AGBL1: variants seen among roughly 807,000 people sequenced by gnomAD.
AGBL1 encodes the protein AGBL carboxypeptidase 1.
Under a neutral mutation model 118.9 loss-of-function variants are expected in AGBL1, and 130 were observed. The ratio of observed to expected loss-of-function variants is 1.09; its 90% CI spans 0.95 to 1.26. AGBL1 has a LOEUF of 1.26. Ranked by LOEUF, AGBL1 falls within the 50% of genes most tolerant of loss-of-function variation. The pLI is 0.00. For synonymous variants in AGBL1, 555 were observed against 478.9 expected (o/e 1.16, Z -2.08); for missense variants, 1,584 against 1,298.1 (o/e 1.22, Z -3.38).
chr15:86,918,306 T>C (rs2080449339), downstream of AGBL1, among the ~76,000 whole-genome samples: 1 of 152,120 alleles, frequency 6.6e-6, no homozygotes, highest in Admixed American at 6.5e-5. Context: ...AAGTGAGTGG[T>C]TAGTGGAGAG....
chr15:86,971,914 A>G (rs1172110820), intron 23 of AGBL1, among the ~76,000 whole-genome samples: 1 of 151,838 alleles, frequency 6.6e-6, no homozygotes, highest in African/African-American at 2.4e-5. Context: ...ATGGTTTTAT[A>G]AGGGGCTCTT....
At chr15:86,424,284 G>T (rs989888262) in intron 18 of AGBL1, among the ~76,000 whole-genome samples, 1 of 152,124 alleles carries the variant, frequency 6.6e-6, no homozygotes, top group Non-Finnish European at 1.5e-5. Flanking sequence ...ACAAGCAATG[G>T]GGAAAGGATT....
chr15:86,611,220 A>C (rs1040700464), intron 21 of AGBL1, among the ~76,000 whole-genome samples: 2 of 152,216 alleles, frequency 1.3e-5, no homozygotes, highest in Non-Finnish European at 2.9e-5. Flanking sequence ...AAGAAAGAGC[A>C]ACAAAATAAA....
chr15:86,583,011 T>C (rs1345022600), intron 21 of AGBL1, among the ~76,000 whole-genome samples: 1 of 151,704 alleles, frequency 6.6e-6, no homozygotes, highest in African/African-American at 2.4e-5. Context: ...TAAAGTATAA[T>C]AACAATAAAA....
chr15:86,653,784 G>A (rs998690991), intron 21 of AGBL1, among the ~76,000 whole-genome samples: 1 of 152,112 alleles, frequency 6.6e-6, no homozygotes, highest in Admixed American at 6.6e-5. Flanking sequence ...CTCAATAGCT[G>A]CAGAGAAATA....
intron 22 of AGBL1, among the ~76,000 whole-genome samples, chr15:86,785,804 T>G (rs1385290298): frequency 6.6e-6 from 1 of 152,172 alleles, no homozygotes; most frequent in East Asian, 1.9e-4. Flanking sequence ...CCAAGAGAAC[T>G]GAGTTATAGG....
At chr15:86,205,919 G>C (rs2077983945) in intron 5 of AGBL1, among the ~76,000 whole-genome samples, 1 of 152,120 alleles carries the variant, frequency 6.6e-6, no homozygotes, top group Non-Finnish European at 1.5e-5. Flanking sequence ...ATGTTGGTTT[G>C]CTGCACCTAT....
intron 1 of AGBL1, among the ~76,000 whole-genome samples, chr15:86,096,281 G>C (rs142141664): frequency 2.6e-4 from 40 of 152,188 alleles, no homozygotes; most frequent in African/African-American, 9.1e-4. Flanking sequence ...TCTGCTTTCT[G>C]TTTTCTAAAA....
At chr15:86,558,927 C>A (rs186482449) in intron 21 of AGBL1, among the ~76,000 whole-genome samples, 75 of 152,332 alleles carry the variant, frequency 4.9e-4, no homozygotes, top group Non-Finnish European at 7.3e-4. Context: ...TAAATCTGTT[C>A]TCTCACAGAT....
chr15:86,396,231 G>A (rs1247542303), intron 17 of AGBL1, among the ~76,000 whole-genome samples: 2 of 125,982 alleles, frequency 1.6e-5, no homozygotes, highest in African/African-American at 6.0e-5. Context: ...ATATATGTGT[G>A]TGTGTGTGTG....
chr15:86,105,977 A>T (rs542852071), intron 1 of AGBL1, among the ~76,000 whole-genome samples: 1 of 152,332 alleles, frequency 6.6e-6, no homozygotes, highest in South Asian at 2.1e-4. Flanking sequence ...GTTTCTTCCA[A>T]TCACATCTGA....
chr15:86,208,320 T>C lies in AGBL1; in HGVS notation c.489-16594T>C, dbSNP rs554122278. On this transcript the variant is annotated intron_variant, in intron 5 of 22. Coordinates refer to ENST00000614907, the MANE Select transcript of AGBL1 (RefSeq NM_001386094.1). ...TCTCTGCCAGGCTTTGTTATCAGGA[T>C]GATGCTGACCTCATAAAATGAGTTA... is the stretch of plus-strand genomic sequence containing the variant. 3.8e-3 allele frequency among the ~76,000 whole-genome samples: 580 copies of C among 152,334 alleles called. 5 individuals are homozygous for C. Among genetic ancestry groups the C allele is most frequent in the African/African-American group, 0.013 (553 of 41,578 alleles).
At chr15:86,370,411 T>G (rs1473763862) in intron 17 of AGBL1, among the ~76,000 whole-genome samples, 1 of 151,872 alleles carries the variant, frequency 6.6e-6, no homozygotes. Flanking sequence ...TTCAAGTGAT[T>G]TTTCTGCCTC....
At chr15:87,029,002 A>G (rs756463900) in exon 25 of AGBL1, 6 of 639,740 alleles carry the variant, frequency 9.4e-6, no homozygotes, top group African/African-American at 1.9e-5. Context: ...ATCTACCTCC[A>G]TAAGAAAACA....
Position 86,674,305 on chromosome 15 carries a change from G to A in AGBL1, c.3027G>A (p.Glu1009=). Reference sequence around the variant, plus strand: ...AGTTTGGTACCAGAGAACTGGAGGAGATGGGAGCCATGTTCTGTTTGGGCC... The same window carrying A: ...AGTTTGGTACCAGAGAACTGGAGGAAATGGGAGCCATGTTCTGTTTGGGCC... ...GLQFGTRELE[E]MGAMFCLGLL... The change falls in exon 22 of 23, where the codon GAG becomes GAA. Residue 1009 remains glutamate (E), a synonymous_variant. Transcript: ENST00000614907. 3.7e-6 allele frequency: 6 copies of A among 1,611,840 alleles called. No homozygotes were observed. The highest frequency in any genetic ancestry group is 5.1e-6 in the Non-Finnish European group (6 of 1,178,942).
At chr15:86,393,053 G>T (rs1388286641) in intron 17 of AGBL1, among the ~76,000 whole-genome samples, 2 of 152,116 alleles carry the variant, frequency 1.3e-5, no homozygotes, top group African/African-American at 4.8e-5. Context: ...CTGCAAAATT[G>T]TCTTAAATCA....
chr15:86,886,333 G>T (rs886219489), intron 22 of AGBL1, among the ~76,000 whole-genome samples: 56 of 152,204 alleles, frequency 3.7e-4, no homozygotes, highest in African/African-American at 1.3e-3. Context: ...GCCCACGTTA[G>T]CACTATCACT....
intron 22 of AGBL1, among the ~76,000 whole-genome samples, chr15:86,718,196 C>T (rs979203246): frequency 6.6e-6 from 1 of 152,118 alleles, no homozygotes; most frequent in African/African-American, 2.4e-5. Flanking sequence ...TGATCGCTGC[C>T]CAGCTAGAAA....
At chr15:86,286,238 T>C (rs1178577121) in intron 16 of AGBL1, among the ~76,000 whole-genome samples, 1 of 152,068 alleles carries the variant, frequency 6.6e-6, no homozygotes, top group Non-Finnish European at 1.5e-5. Flanking sequence ...GATAAATGAA[T>C]ATGTTGCAGA....
Sources: gnomAD v4.1 joint callset for allele counts (sites outside exome capture counted in the v4.1 genomes callset) on GRCh38, gnomAD v4.1.1 for gene constraint, MANE v1.5 for transcripts, NCBI Gene and HGNC (gene_info 2026-07-23, HGNC 2026-07-21) for gene names.